Variants in DST observed in about 807,000 individuals in gnomAD.
DST encodes the protein dystonin.
Under a neutral mutation model 875.2 loss-of-function variants are expected in DST, and 253 were observed. The ratio of observed to expected loss-of-function variants is 0.29; its 90% CI spans 0.26 to 0.32. DST has a LOEUF of 0.32. Among genes scored for constraint, DST ranks in the 10% least tolerant of loss-of-function variants. The pLI is 1.00. For missense variants in DST, 8,287 were observed against 9,111.6 expected (o/e 0.91, Z 3.68); for synonymous variants, 3,124 against 3,197.1 (o/e 0.98, Z 0.77).
At chr6:56,838,579 T>C (rs2099796412) in intron 4 of DST, among the ~76,000 whole-genome samples, 1 of 151,290 alleles carries the variant, frequency 6.6e-6, no homozygotes, top group African/African-American at 2.4e-5. Context: ...AACCTAGAAG[T>C]TTTAAAAAGC....
chr6:56,848,363 T>G (rs908624690), intron 4 of DST, among the ~76,000 whole-genome samples: 27 of 152,252 alleles, frequency 1.8e-4, no homozygotes, highest in African/African-American at 6.3e-4. Flanking sequence ...CTCAGCTCTT[T>G]TATTACTAAG....
intron 5 of DST, among the ~76,000 whole-genome samples, chr6:56,717,297 G>A (rs1447114348): frequency 1.3e-5 from 2 of 152,130 alleles, no homozygotes; most frequent in African/African-American, 2.4e-5. Flanking sequence ...TAATGGCACT[G>A]CTGATCTGAC....
chr6:56,764,227 T>C (rs2099626674), intron 4 of DST, among the ~76,000 whole-genome samples: 1 of 151,838 alleles, frequency 6.6e-6, no homozygotes, highest in Non-Finnish European at 1.5e-5. Flanking sequence ...TTTTCTATGC[T>C]CCCCAGTGGC....
rs535525103 is a variant in DST, at chr6:56,871,496, T to C, written c.418-19892A>G. 4 of 1,538,814 alleles carry C rather than the reference T, an allele frequency of 2.6e-6. No homozygotes were observed. The East Asian group carries it at 6.8e-5, about 26-fold the overall frequency. On this transcript the variant is annotated intron_variant, in intron 3 of 103. Coordinates refer to ENST00000680361, the MANE Select transcript of DST (RefSeq NM_001374736.1). ...TGCTTAAAAATGCAGAGAGTGATGC[T>C]GAACTTAAGGGCTTAGAGGTAGATT...
At chr6:56,906,978 C>G (rs980676829) in intron 2 of DST, among the ~76,000 whole-genome samples, 1 of 152,158 alleles carries the variant, frequency 6.6e-6, no homozygotes, top group African/African-American at 2.4e-5. Context: ...TACATAGTTA[C>G]ACCAAGATGC....
At chr6:56,751,929 T>C (rs931478703) in intron 4 of DST, among the ~76,000 whole-genome samples, 3 of 152,100 alleles carry the variant, frequency 2.0e-5, no homozygotes, top group African/African-American at 4.8e-5. Flanking sequence ...TCAAAGCAAA[T>C]TACTAAAAAT....
At chr6:56,612,641 G>C (rs1160273985) in intron 37 of DST, among the ~76,000 whole-genome samples, 1 of 152,168 alleles carries the variant, frequency 6.6e-6, no homozygotes, top group Admixed American at 6.5e-5. Flanking sequence ...AGTCTATTTA[G>C]AGTCAATTTA....
In DST at chr6:56,642,075, C is replaced by T. The variant is rs746002438; in HGVS notation, c.1899G>A (p.Val633=). ...QSDSKRLESG[V]QFQNEAEIAG... ...CAATTTCTGCTTCATTCTGAAACTGCACTCCTGATTCTAATCTTTTAGAAT... is the reference window on the plus strand; with the variant it reads ...CAATTTCTGCTTCATTCTGAAACTGTACTCCTGATTCTAATCTTTTAGAAT... The change falls in exon 17 of 104, where the codon GTG becomes GTA. Residue 633 remains valine, a synonymous_variant. Coordinates refer to ENST00000680361, the MANE Select transcript of DST (RefSeq NM_001374736.1). 4.3e-6 allele frequency: 7 copies of T among 1,612,550 alleles called. No homozygotes were observed. The highest frequency in any genetic ancestry group is 5.1e-6 in the Non-Finnish European group (6 of 1,179,028).
chr6:56,485,527 C>A, intron 87 of DST, 56 bp from the exon 88 acceptor site: 1 of 1,529,348 alleles, frequency 6.5e-7, no homozygotes, highest in Non-Finnish European at 8.9e-7. Flanking sequence ...ACTCATATAT[C>A]TGAACATCTA....
chr6:56,859,125 G>T (rs1591770589), intron 3 of DST, among the ~76,000 whole-genome samples: 1 of 152,136 alleles, frequency 6.6e-6, no homozygotes, highest in East Asian at 1.9e-4. Flanking sequence ...GAAATGACAG[G>T]TATCAGTTCA....
chr6:56,715,757 C>T (rs2099392488), intron 5 of DST, among the ~76,000 whole-genome samples: 1 of 152,142 alleles, frequency 6.6e-6, no homozygotes. Context: ...AATAATAAGA[C>T]AAATGAAGTT....
At chr6:56,548,381 T>C (rs1274221732) in intron 61 of DST, among the ~76,000 whole-genome samples, 2 of 152,330 alleles carry the variant, frequency 1.3e-5, no homozygotes, top group East Asian at 3.9e-4. Context: ...TTGATTTTCA[T>C]TGAAATTAAA....
chr6:56,954,391 T>A lies in DST; in HGVS notation c.181+16A>T. The A allele has an allele frequency of 7.3e-7, 1 of 1,362,364 alleles. No homozygotes were observed. The allele number at this position is 1,362,364 out of a possible 1,614,324, so 84.4% of individuals were successfully genotyped here. A position where few individuals can be genotyped will look rare whatever the true frequency, so the allele number is the denominator to read the frequency against. On this transcript the variant is annotated intron_variant, in intron 1 of 103. Coordinates refer to ENST00000680361, the MANE Select transcript of DST (RefSeq NM_001374736.1). ...GTTCCTGGTAGCCCGCAGAAACCCG[T>A]CGCGGCGTGTCTTACCTCGGCTTCT...
intron 61 of DST, among the ~76,000 whole-genome samples, chr6:56,544,359 G>T (rs2097187814): frequency 6.6e-6 from 1 of 152,076 alleles, no homozygotes; most frequent in Non-Finnish European, 1.5e-5. Flanking sequence ...ATAAAGAATG[G>T]CTCTAATTCA....
intron 3 of DST, among the ~76,000 whole-genome samples, chr6:56,886,773 T>C (rs1454560396): frequency 8.6e-6 from 1 of 116,388 alleles, no homozygotes; most frequent in Non-Finnish European, 1.7e-5. Flanking sequence ...TGAAACTCAG[T>C]CTCAAAAAAA....
intron 4 of DST, among the ~76,000 whole-genome samples, chr6:56,741,460 T>A (rs1183097129): frequency 6.6e-6 from 1 of 152,174 alleles, no homozygotes; most frequent in Non-Finnish European, 1.5e-5. Context: ...TACCAAAATA[T>A]GCTCTTTAAC....
Position 56,699,652 on chromosome 6 carries a change from C to T in DST, c.1047+1G>A. 6.6e-7 allele frequency: 1 copy of T among 1,509,462 alleles called. No homozygotes were observed. The highest frequency in any genetic ancestry group is 2.5e-5 in the East Asian group (1 of 40,754). 93.5% of individuals were successfully genotyped at this position (1,509,462 alleles called of 1,614,324 possible). On this transcript the variant is annotated splice_donor_variant, in intron 9 of 103. Coordinates refer to ENST00000680361, the MANE Select transcript of DST (RefSeq NM_001374736.1). LOFTEE classifies it high-confidence loss of function. ...CTGAAATTAAGAAAATTTGGGCTTA[C>T]CTGAAAGTGCAAAATTATTGTCCAG...
chr6:56,838,948 CA>C (rs2099796813), intron 4 of DST, among the ~76,000 whole-genome samples: 1 of 152,152 alleles, frequency 6.6e-6, no homozygotes, highest in Non-Finnish European at 1.5e-5. Context: ...TTTAAGTTCC[CA>C]ATTTTAGCAC....
At chr6:56,919,643 T>C (rs1162633262) in intron 2 of DST, among the ~76,000 whole-genome samples, 1 of 152,160 alleles carries the variant, frequency 6.6e-6, no homozygotes, top group Non-Finnish European at 1.5e-5. Context: ...AACTCCTACA[T>C]AAATTTGGAT....
Sources: gnomAD v4.1 joint callset for allele counts (sites outside exome capture counted in the v4.1 genomes callset) on GRCh38, gnomAD v4.1.1 for gene constraint, MANE v1.5 for transcripts, NCBI Gene and HGNC (gene_info 2026-07-23, HGNC 2026-07-21) for gene names.